The following RPS6KA2 variants were observed in gnomAD, a reference collection of about 807,000 sequenced individuals.
RPS6KA2 encodes the protein ribosomal protein S6 kinase alpha-2.
RPS6KA2 carries 42 observed loss-of-function variants against 91.8 expected under a neutral mutation model. That is an observed-to-expected ratio of 0.46 (90% CI 0.36 to 0.59). The LOEUF (loss-of-function observed/expected upper bound fraction) is 0.59, where lower values mean the gene tolerates loss of function less well. Among genes scored for constraint, RPS6KA2 ranks in the 20% least tolerant of loss-of-function variants. RPS6KA2 has a pLI of 0.00. For synonymous variants in RPS6KA2, 414 were observed against 393.6 expected (o/e 1.05, Z -0.61); for missense variants, 798 against 978.5 (o/e 0.82, Z 2.46).
chr6:166,651,092 C>G (rs1054158353), intron 2 of RPS6KA2, among the ~76,000 whole-genome samples: 1 of 152,220 alleles, frequency 6.6e-6, no homozygotes, highest in African/African-American at 2.4e-5. Context: ...CCGAAAATGT[C>G]AGCGCCTTGC....
chr6:166,482,407 C>A (rs190636749), intron 10 of RPS6KA2, among the ~76,000 whole-genome samples: 4 of 152,198 alleles, frequency 2.6e-5, no homozygotes. Flanking sequence ...GAGATGCCAC[C>A]CTTTCCTTTC....
chr6:166,602,396 C>T (rs1358304316), intron 1 of RPS6KA2, among the ~76,000 whole-genome samples: 1 of 152,218 alleles, frequency 6.6e-6, no homozygotes, highest in Non-Finnish European at 1.5e-5. Flanking sequence ...CCCTACGGTG[C>T]TCAAGGGATG....
At chr6:166,444,999 C>A (rs971567495) in intron 14 of RPS6KA2, among the ~76,000 whole-genome samples, 1 of 152,100 alleles carries the variant, frequency 6.6e-6, no homozygotes, top group African/African-American at 2.4e-5. Context: ...TTCAGTAGAA[C>A]CTTAAATGTA....
chr6:166,684,789 T>C (rs1406663792), intron 2 of RPS6KA2, among the ~76,000 whole-genome samples: 1 of 152,112 alleles, frequency 6.6e-6, no homozygotes, highest in Admixed American at 6.5e-5. Context: ...TTATCACCCT[T>C]CCCCCTGAAC....
chr6:166,736,990 G>C (rs1419713235), intron 2 of RPS6KA2, among the ~76,000 whole-genome samples: 1 of 152,246 alleles, frequency 6.6e-6, no homozygotes, highest in East Asian at 1.9e-4. Flanking sequence ...TGCAGGGGGT[G>C]GGGAGGGAGG....
intron 2 of RPS6KA2, among the ~76,000 whole-genome samples, chr6:166,652,197 C>T (rs577014973): frequency 2.0e-4 from 31 of 152,332 alleles, no homozygotes; most frequent in African/African-American, 5.8e-4. Flanking sequence ...GAGCCATTCG[C>T]GGGTATTATA....
At chr6:166,831,384 T>G (rs114703797) in intron 2 of RPS6KA2, among the ~76,000 whole-genome samples, 3,140 of 152,252 alleles carry the variant, frequency 0.021, 113 homozygotes, top group African/African-American at 0.071. Context: ...GGAGCTTCTC[T>G]ACTTCAACTT....
At chr6:166,566,028 T>A (rs940268502) in intron 1 of RPS6KA2, among the ~76,000 whole-genome samples, 14 of 152,160 alleles carry the variant, frequency 9.2e-5, no homozygotes, top group African/African-American at 2.7e-4. Flanking sequence ...AAACTTGGGA[T>A]AGAAATAAAG....
chr6:166,725,806 G>A (rs1283869144), intron 2 of RPS6KA2, among the ~76,000 whole-genome samples: 1 of 152,254 alleles, frequency 6.6e-6, no homozygotes, highest in Non-Finnish European at 1.5e-5. Context: ...ACTGGCTCCA[G>A]GTATGCCGGG....
intron 13 of RPS6KA2, among the ~76,000 whole-genome samples, chr6:166,449,067 C>G (rs1323896302): frequency 6.6e-6 from 1 of 152,184 alleles, no homozygotes; most frequent in Non-Finnish European, 1.5e-5. Flanking sequence ...GGCTATGACT[C>G]TTAACTTTGA....
intron 2 of RPS6KA2, among the ~76,000 whole-genome samples, chr6:166,668,192 G>A (rs1445119686): frequency 6.6e-6 from 1 of 152,176 alleles, no homozygotes; most frequent in East Asian, 1.9e-4. Flanking sequence ...AGCATTTGGA[G>A]AAACTGAAGG....
At chr6:166,828,763 G>A (rs1010024626) in intron 2 of RPS6KA2, among the ~76,000 whole-genome samples, 1 of 152,150 alleles carries the variant, frequency 6.6e-6, no homozygotes, top group Non-Finnish European at 1.5e-5. Flanking sequence ...ACATCAGATC[G>A]GGTAATGATT....
intron 3 of RPS6KA2, among the ~76,000 whole-genome samples, chr6:166,518,631 G>C (rs1230310790): frequency 6.6e-6 from 1 of 152,190 alleles, no homozygotes; most frequent in Non-Finnish European, 1.5e-5. Flanking sequence ...TGACTCCCCA[G>C]GCACAATGTG....
chr6:166,630,205 C>T (rs1011445600), upstream of RPS6KA2, among the ~76,000 whole-genome samples: 3 of 152,178 alleles, frequency 2.0e-5, no homozygotes, highest in African/African-American at 4.8e-5. Flanking sequence ...CCCTGCTACA[C>T]AGGCACCTTG....
Position 166,449,922 on chromosome 6 carries a change from C to G in RPS6KA2, c.1207-1073G>C, listed in dbSNP as rs111344944. On this transcript the variant is annotated intron_variant, in intron 13 of 20. Coordinates refer to ENST00000265678, the MANE Select transcript of RPS6KA2 (RefSeq NM_021135.6). The stretch of plus-strand genomic sequence containing the variant: ...AGGACCACCATGGGAACCACCATGA[C>G]AGACTACCACAGGGACCACCACAGG... Among the ~76,000 whole-genome samples the G allele has an allele frequency of 7.6e-3, 650 of 85,960 alleles. 1 individual carries two copies. Among genetic ancestry groups the G allele is most frequent in the Middle Eastern group, 0.033 (4 of 120 alleles). The allele number at this position is 85,960 out of a possible 152,430, so 56.4% of individuals were successfully genotyped here. A position where few individuals can be genotyped will look rare whatever the true frequency, so the allele number is the denominator to read the frequency against.
intron 2 of RPS6KA2, among the ~76,000 whole-genome samples, chr6:166,734,560 T>C (rs1583060451): frequency 6.6e-6 from 1 of 152,214 alleles, no homozygotes; most frequent in East Asian, 1.9e-4. Flanking sequence ...ATTTCTTTCA[T>C]GTCCCAATTA....
intron 6 of RPS6KA2, among the ~76,000 whole-genome samples, chr6:166,504,065 A>G (rs1465882491): frequency 1.3e-5 from 2 of 152,212 alleles, no homozygotes; most frequent in Admixed American, 1.3e-4. Flanking sequence ...GGCTTCCTGA[A>G]TCTGGAGGAC....
At position 166,500,355 on chromosome 6, in the gene RPS6KA2, T is replaced by C. The variant is rs921422155; in HGVS notation, c.604+532A>G. On this transcript the variant is annotated intron_variant, in intron 7 of 20. Transcript: ENST00000265678. This position sits in a 1 kb window ranked among gnomAD's most constrained non-coding sequence, Gnocchi z 4.3. ...CTAGAGGAGCTGTTGCCAGTTTGAC[T>C]GAATTTGCTGGTGGCTGCCAGGGCT... 6.6e-6 allele frequency among the ~76,000 whole-genome samples: 1 copy of C among 152,182 alleles called. No individual in the cohort carries two copies. The highest frequency in any genetic ancestry group is 1.5e-5 in the Non-Finnish European group (1 of 68,014).
At chr6:166,452,893 C>T (rs536509352) in intron 12 of RPS6KA2, among the ~76,000 whole-genome samples, 3 of 152,190 alleles carry the variant, frequency 2.0e-5, no homozygotes, top group East Asian at 1.9e-4. Context: ...ATGGGTCTAG[C>T]GAAAGACTTC....
Sources: gnomAD v4.1 joint callset for allele counts (sites outside exome capture counted in the v4.1 genomes callset) on GRCh38, gnomAD v4.1.1 for gene constraint, Gnocchi (gnomAD v3.1) non-coding constraint, MANE v1.5 for transcripts, NCBI Gene and HGNC (gene_info 2026-07-23, HGNC 2026-07-21) for gene names.